ADGRL3: variants seen among roughly 807,000 people sequenced by gnomAD.
The protein encoded by ADGRL3 is calcium-independent alpha-latrotoxin receptor 3.
In ADGRL3, 62 loss-of-function variants were observed where a neutral mutation model predicts 153.5. The ratio of observed to expected loss-of-function variants is 0.40; its 90% CI spans 0.33 to 0.50. The LOEUF is 0.50. Ranked by LOEUF, ADGRL3 falls within the 20% of genes least tolerant of loss-of-function variation. ADGRL3 has a pLI of 0.47. For missense variants in ADGRL3, 1,641 were observed against 1,859.4 expected (o/e 0.88, Z 2.16); for synonymous variants, 710 against 672.5 (o/e 1.06, Z -0.86).
intron 5 of ADGRL3, among the ~76,000 whole-genome samples, chr4:61,604,107 C>T (rs781567388): frequency 3.3e-5 from 5 of 151,992 alleles, no homozygotes; most frequent in African/African-American, 7.3e-5. Flanking sequence ...GTCTGGGAAA[C>T]GAATACTGAA....
intron 8 of ADGRL3, among the ~76,000 whole-genome samples, chr4:61,735,511 C>G (rs1314908122): frequency 1.3e-5 from 2 of 152,156 alleles, no homozygotes; most frequent in African/African-American, 4.8e-5. Context: ...CAGTTTAAAA[C>G]CTGATCAATA....
chr4:61,992,979 A>G (rs2099108575), intron 19 of ADGRL3, among the ~76,000 whole-genome samples: 2 of 152,316 alleles, frequency 1.3e-5, no homozygotes, highest in Non-Finnish European at 2.9e-5. Context: ...CTTGTAAAAT[A>G]ATCTTCTATA....
intron 21 of ADGRL3, among the ~76,000 whole-genome samples, chr4:62,008,813 T>C (rs781226541): frequency 1.3e-5 from 2 of 152,070 alleles, no homozygotes; most frequent in African/African-American, 2.4e-5. Flanking sequence ...CACACAGTCA[T>C]GTACTGCATA....
intron 1 of ADGRL3, among the ~76,000 whole-genome samples, chr4:61,290,213 C>T (rs1560431861): frequency 6.6e-6 from 1 of 152,068 alleles, no homozygotes; most frequent in East Asian, 1.9e-4. Flanking sequence ...AACCTATCCA[C>T]ACGAATCAGC....
At chr4:61,659,995 G>A (rs1474601560) in intron 5 of ADGRL3, among the ~76,000 whole-genome samples, 4 of 151,240 alleles carry the variant, frequency 2.6e-5, no homozygotes, top group African/African-American at 9.7e-5. Context: ...ATTGGATATT[G>A]GGGGGACAGA....
intron 6 of ADGRL3, among the ~76,000 whole-genome samples, chr4:61,696,907 C>T (rs940432471): frequency 3.9e-5 from 6 of 152,066 alleles, no homozygotes; most frequent in Non-Finnish European, 7.4e-5. Flanking sequence ...GAACTCCTGA[C>T]CTCAAGTGAT....
chr4:61,428,086 G>A (rs1456868), intron 2 of ADGRL3: 72,314 of 152,486 alleles, frequency 0.47, 18,053 homozygotes, highest in East Asian at 0.81. Context: ...CACTCACCTC[G>A]GAATCCTGTT....
intron 6 of ADGRL3, among the ~76,000 whole-genome samples, chr4:61,683,996 G>C (rs2095395838): frequency 6.6e-6 from 1 of 152,136 alleles, no homozygotes; most frequent in Non-Finnish European, 1.5e-5. Context: ...TTAGCAGAGA[G>C]GACAAGCTAG....
intron 1 of ADGRL3, among the ~76,000 whole-genome samples, chr4:61,208,448 TATC>T (rs1738338336): frequency 6.6e-6 from 1 of 152,188 alleles, no homozygotes; most frequent in Non-Finnish European, 1.5e-5. Context: ...TTATGATTAC[TATC>T]ATCATCATTA....
chr4:62,059,531 C>T (rs1488417789), intron 25 of ADGRL3, among the ~76,000 whole-genome samples: 1 of 152,066 alleles, frequency 6.6e-6, no homozygotes. Flanking sequence ...GGAAAAGGTC[C>T]TTAATAACAA....
chr4:61,724,494 T>C (rs1165876443), intron 6 of ADGRL3, among the ~76,000 whole-genome samples: 1 of 152,208 alleles, frequency 6.6e-6, no homozygotes, highest in Admixed American at 6.5e-5. Context: ...CTATGAATTA[T>C]TGGCATTTTC....
At chr4:61,485,745 T>G (rs987675918) in intron 2 of ADGRL3, among the ~76,000 whole-genome samples, 1 of 152,212 alleles carries the variant, frequency 6.6e-6, no homozygotes, top group South Asian at 2.1e-4. Flanking sequence ...TTCTCTATTC[T>G]AGGCTTTATT....
At chr4:61,828,689 T>G (rs1490545760) in intron 9 of ADGRL3, among the ~76,000 whole-genome samples, 2 of 152,222 alleles carry the variant, frequency 1.3e-5, no homozygotes, top group African/African-American at 4.8e-5. Context: ...TACTTCATTT[T>G]GTACTTTATT....
At chr4:61,370,703 T>A (rs2096504633) in intron 1 of ADGRL3, among the ~76,000 whole-genome samples, 1 of 151,708 alleles carries the variant, frequency 6.6e-6, no homozygotes, top group Non-Finnish European at 1.5e-5. Flanking sequence ...AAATGTATAT[T>A]CTGTTGATTT....
chr4:61,436,041 A>G (rs550645743), intron 2 of ADGRL3, among the ~76,000 whole-genome samples: 13 of 152,302 alleles, frequency 8.5e-5, no homozygotes, highest in Non-Finnish European at 1.6e-4. Flanking sequence ...AACCTTTTGA[A>G]TGCAGATTTA....
At chr4:61,979,446 G>T (rs2099059737) in intron 17 of ADGRL3, 117 bp from the exon 18 acceptor site, 3 of 797,050 alleles carry the variant, frequency 3.8e-6, no homozygotes, top group Non-Finnish European at 6.5e-6. Flanking sequence ...ATTCATTGTG[G>T]GTATAGAGGG....
intron 3 of ADGRL3, among the ~76,000 whole-genome samples, chr4:61,513,078 T>G (rs1377692147): frequency 6.6e-6 from 1 of 152,162 alleles, no homozygotes; most frequent in African/African-American, 2.4e-5. Flanking sequence ...AGGTTGTATT[T>G]TGTTTTTAGC....
At chr4:61,258,470 G>C (rs566036212) in intron 1 of ADGRL3, among the ~76,000 whole-genome samples, 3 of 152,296 alleles carry the variant, frequency 2.0e-5, no homozygotes, top group Admixed American at 2.0e-4. Flanking sequence ...CCTTGGAAAT[G>C]TTGCCTTCCT....
intron 8 of ADGRL3, among the ~76,000 whole-genome samples, chr4:61,808,629 A>G (rs980439766): frequency 6.6e-6 from 1 of 152,166 alleles, no homozygotes; most frequent in African/African-American, 2.4e-5. Flanking sequence ...CCAGATGGTT[A>G]TAGTCAGAGT....
Sources: gnomAD v4.1 joint callset for allele counts (sites outside exome capture counted in the v4.1 genomes callset) on GRCh38, gnomAD v4.1.1 for gene constraint, MANE v1.5 for transcripts, NCBI Gene and HGNC (gene_info 2026-07-23, HGNC 2026-07-21) for gene names.